Variants in BCL2 observed in about 807,000 individuals in gnomAD.
BCL2 encodes the protein BCL2 apoptosis regulator.
BCL2 carries 1 observed loss-of-function variant against 14.2 expected under a neutral mutation model. That is an observed-to-expected ratio of 0.07 (90% CI 0.02 to 0.33). The LOEUF is 0.33. BCL2 is among the 10% of genes least tolerant of loss of function. The probability of loss-of-function intolerance (pLI) is 0.99; values close to 1 mark genes in which losing one functional copy is unlikely to be tolerated. For synonymous variants in BCL2, 151 were observed against 137.2 expected (o/e 1.10, Z -0.70); for missense variants, 247 against 305.9 (o/e 0.81, Z 1.44).
intron 2 of BCL2, among the ~76,000 whole-genome samples, chr18:63,244,102 C>T (rs556673834): frequency 4.5e-4 from 69 of 152,114 alleles, no homozygotes; most frequent in African/African-American, 1.3e-3. Flanking sequence ...AAATTAGGCC[C>T]GGCACAGTGG....
At chr18:63,134,777 CAG>C (rs1033322714) in intron 2 of BCL2, among the ~76,000 whole-genome samples, 3 of 152,208 alleles carry the variant, frequency 2.0e-5, no homozygotes, top group African/African-American at 7.2e-5. Flanking sequence ...CTGCAGACTG[CAG>C]AGTCTCATCG....
intron 2 of BCL2, among the ~76,000 whole-genome samples, chr18:63,255,953 C>G (rs952500714): frequency 6.6e-6 from 1 of 152,050 alleles, no homozygotes; most frequent in Admixed American, 6.6e-5. Context: ...AAACTGAATT[C>G]AATTCAATGT....
chr18:63,242,903 G>A (rs1007730149), intron 2 of BCL2, among the ~76,000 whole-genome samples: 1 of 152,134 alleles, frequency 6.6e-6, no homozygotes. Flanking sequence ...GAAAGGGAAC[G>A]GAGAGGCGCT....
At chr18:63,191,066 T>C (rs1290317136) in intron 2 of BCL2, among the ~76,000 whole-genome samples, 1 of 152,258 alleles carries the variant, frequency 6.6e-6, no homozygotes, top group Non-Finnish European at 1.5e-5. Context: ...TATTCCATGA[T>C]GTACATGTAC....
chr18:63,236,631 A>G (rs4987773), intron 2 of BCL2, among the ~76,000 whole-genome samples: 150,339 of 152,320 alleles, frequency 0.99, 74,214 homozygotes, highest in East Asian at 1. Flanking sequence ...AGACTGCTCC[A>G]GTCATCTGAC....
chr18:63,195,091 G>A (rs769182449), intron 2 of BCL2, among the ~76,000 whole-genome samples: 4 of 152,178 alleles, frequency 2.6e-5, no homozygotes, highest in East Asian at 3.8e-4. Flanking sequence ...GATGGAAATC[G>A]ACCAGAGTGA....
chr18:63,318,458 G>A lies in BCL2; in HGVS notation c.209C>T (p.Ser70Leu), dbSNP rs1435116050. The change falls in exon 2 of 3, where the codon TCG becomes TTG. Residue 70 changes from serine to leucine, a missense_variant. Around this residue, in one of 3 missense-constraint regions of BCL2, gnomAD observed 144 missense variants for 135.3 expected, o/e 1.06. Transcript: ENST00000333681. This position sits in a 1 kb window ranked among gnomAD's most constrained non-coding sequence, Gnocchi z 7.4. ...GGGGGCAGCCGGGGTCTGCAGCGGC[G>A]AGGTCCTGGCGACCGGGTCCCGGGA... is the stretch of plus-strand genomic sequence containing the variant. Reference protein sequence around the residue: ...AASRDPVARTSPLQTPAAPGA... With the variant: ...AASRDPVARTLPLQTPAAPGA... 6.8e-7 allele frequency: 1 copy of A among 1,472,594 alleles called. No individual in the cohort carries two copies. Among genetic ancestry groups the A allele is most frequent in the Admixed American group, 2.7e-5 (1 of 37,524 alleles). 91.2% of individuals were successfully genotyped at this position (1,472,594 alleles called of 1,614,324 possible).
At position 63,127,944 on chromosome 18, in the gene BCL2, T is replaced by A. The variant is rs768103380; in HGVS notation, c.*681A>T. 5 of 225,420 alleles carry A rather than the reference T, an allele frequency of 2.2e-5. No homozygotes were observed. The highest frequency in any genetic ancestry group is 3.5e-5 in the Non-Finnish European group (4 of 112,906). 14.0% of individuals were successfully genotyped at this position (225,420 alleles called of 1,614,324 possible). A position where few individuals can be genotyped will look rare whatever the true frequency, so the allele number is the denominator to read the frequency against. On this transcript the variant is annotated 3_prime_UTR_variant, in exon 3 of 3. Coordinates refer to ENST00000333681, the MANE Select transcript of BCL2 (RefSeq NM_000633.3). ...CTATGATTTAAGGGCATTTTTCCCATCGCTGTCCTTCGGCGTGGAAATCTC... is the reference window on the plus strand; with the variant it reads ...CTATGATTTAAGGGCATTTTTCCCAACGCTGTCCTTCGGCGTGGAAATCTC...
chr18:63,275,198 C>A (rs1912118811), intron 2 of BCL2, among the ~76,000 whole-genome samples: 1 of 151,130 alleles, frequency 6.6e-6, no homozygotes, highest in Admixed American at 6.6e-5. Flanking sequence ...CGCCACTGCA[C>A]CACTCCAGCC....
At position 63,274,653 on chromosome 18, in the gene BCL2, C is replaced by A. The variant is rs139020159; in HGVS notation, c.585+43429G>T. Among the ~76,000 whole-genome samples, 631 of 152,124 alleles carry A rather than the reference C, an allele frequency of 4.1e-3. 5 individuals carry two copies. The highest frequency in any genetic ancestry group is 0.015 in the African/African-American group (610 of 41,482). Reference sequence around the variant, plus strand: ...TATGCACAAAGATCAATTGGTGAACCCTTCCCACCCTTGTTTTTGAAGCAA... The same window carrying A: ...TATGCACAAAGATCAATTGGTGAACACTTCCCACCCTTGTTTTTGAAGCAA... On this transcript the variant is annotated intron_variant, in intron 2 of 2. Transcript: ENST00000333681.
chr18:63,298,922 T>C (rs1240395467), intron 2 of BCL2, among the ~76,000 whole-genome samples: 1 of 152,198 alleles, frequency 6.6e-6, no homozygotes, highest in Non-Finnish European at 1.5e-5. Flanking sequence ...GCTCAAAAGC[T>C]GGGCGGCAGC....
intron 2 of BCL2, among the ~76,000 whole-genome samples, chr18:63,251,295 C>G (rs1911306904): frequency 6.6e-6 from 1 of 151,994 alleles, no homozygotes; most frequent in Non-Finnish European, 1.5e-5. Context: ...TATATTGGAA[C>G]AGTCCTTGGA....
chr18:63,141,059 G>A (rs988947373), intron 2 of BCL2, among the ~76,000 whole-genome samples: 2 of 152,004 alleles, frequency 1.3e-5, no homozygotes, highest in Admixed American at 6.5e-5. Flanking sequence ...TCGGATGCAT[G>A]AGCAGCAATC....
At chr18:63,143,106 G>A (rs1420019278) in intron 2 of BCL2, among the ~76,000 whole-genome samples, 4 of 152,250 alleles carry the variant, frequency 2.6e-5, no homozygotes, top group African/African-American at 7.2e-5. Flanking sequence ...CTGAATAGCT[G>A]TTTACGGCGA....
In BCL2 at chr18:63,218,751, C is replaced by T. The variant is rs72943082; in HGVS notation, c.586-89992G>A. Among the ~76,000 whole-genome samples, 160 of 33,784 alleles carry T rather than the reference C, an allele frequency of 4.7e-3. 5 individuals are homozygous for T. The Middle Eastern group carries it at 0.058, about 12-fold the overall frequency. 22.2% of individuals were successfully genotyped at this position (33,784 alleles called of 152,430 possible). ...CCATCCTCCACTCATCTCCATCCTCCACTCATCCCCCTCTACTCATCCCCA... is the reference window on the plus strand; with the variant it reads ...CCATCCTCCACTCATCTCCATCCTCTACTCATCCCCCTCTACTCATCCCCA... On this transcript the variant is annotated intron_variant, in intron 2 of 2. Transcript: ENST00000333681.
chr18:63,319,443 C>T lies in BCL2; in HGVS notation c.-556G>A, dbSNP rs947891447. The T allele has an allele frequency of 4.8e-5, 11 of 229,220 alleles. No individual in the cohort carries two copies. The Middle Eastern group carries it at 3.9e-3, about 82-fold the overall frequency. 14.2% of individuals were successfully genotyped at this position (229,220 alleles called of 1,614,324 possible). A position where few individuals can be genotyped will look rare whatever the true frequency, so the allele number is the denominator to read the frequency against. ...GCTCGAGAAAAAAAAAAGGCAGCGG[C>T]GGCGGCAGATGAATTACAATTTTCA... On this transcript the variant is annotated 5_prime_UTR_variant, in exon 1 of 3. Transcript: ENST00000333681.
intron 2 of BCL2, among the ~76,000 whole-genome samples, chr18:63,139,144 G>A (rs1599202940): frequency 6.6e-6 from 1 of 152,152 alleles, no homozygotes; most frequent in Non-Finnish European, 1.5e-5. Flanking sequence ...ACAGAACCAA[G>A]TTCCCTACTG....
intron 2 of BCL2, among the ~76,000 whole-genome samples, chr18:63,286,034 T>C (rs1229481825): frequency 6.6e-6 from 1 of 152,238 alleles, no homozygotes; most frequent in East Asian, 1.9e-4. Flanking sequence ...AACTATGTCC[T>C]GCTCTTATAC....
chr18:63,307,568 G>A (rs1446280466), intron 2 of BCL2, among the ~76,000 whole-genome samples: 1 of 152,098 alleles, frequency 6.6e-6, no homozygotes, highest in Non-Finnish European at 1.5e-5. Flanking sequence ...TTTTTTCCCT[G>A]AGCCACAAGC....
Sources: gnomAD v4.1 joint callset for allele counts (sites outside exome capture counted in the v4.1 genomes callset) on GRCh38, gnomAD v4.1.1 for gene constraint, gnomAD v4.1.1 regional missense constraint, Gnocchi (gnomAD v3.1) non-coding constraint, MANE v1.5 for transcripts, NCBI Gene and HGNC (gene_info 2026-07-23, HGNC 2026-07-21) for gene names.